The following IPCEF1 variants were observed in gnomAD, a reference collection of about 807,000 sequenced individuals.
IPCEF1 encodes interactor protein for cytohesin exchange factors 1.
A neutral mutation model predicts 50.9 loss-of-function variants in IPCEF1; 31 were observed. The observed-to-expected ratio is 0.61, with a 90% CI of 0.46 to 0.82. The LOEUF (loss-of-function observed/expected upper bound fraction) is 0.82, where lower values mean the gene tolerates loss of function less well. Ranked by LOEUF, IPCEF1 falls within the 40% of genes least tolerant of loss-of-function variation. The probability of loss-of-function intolerance (pLI) is 0.00; values close to 1 mark genes in which losing one functional copy is unlikely to be tolerated. For missense variants in IPCEF1, 458 were observed against 514.0 expected, an observed-to-expected ratio of 0.89 and a Z score of 1.05; for synonymous variants, 181 against 192.0, an observed-to-expected ratio of 0.94 and a Z score of 0.47.
At chr6:154,314,321 G>A (rs1783159929) in intron 1 of IPCEF1, among the ~76,000 whole-genome samples, 1 of 152,112 alleles carries the variant, frequency 6.6e-6, no homozygotes, top group African/African-American at 2.4e-5. Context: ...CTATGGCTCT[G>A]TGCCCAGTAA....
intron 10 of IPCEF1, among the ~76,000 whole-genome samples, chr6:154,180,832 A>G (rs1800809944): frequency 6.6e-6 from 1 of 152,242 alleles, no homozygotes; most frequent in South Asian, 2.1e-4. Flanking sequence ...AGGAATGTCT[A>G]AATGATGTCC....
In IPCEF1 at chr6:154,159,756, A is replaced by C; in HGVS notation, c.*72T>G. 1 of 1,235,570 alleles carries C rather than the reference A, an allele frequency of 8.1e-7. No homozygotes were observed. Among genetic ancestry groups the C allele is most frequent in the South Asian group, 1.3e-5 (1 of 75,070 alleles). The allele number at this position is 1,235,570 out of a possible 1,614,324, so 76.5% of individuals were successfully genotyped here. A position where few individuals can be genotyped will look rare whatever the true frequency, so the allele number is the denominator to read the frequency against. ...GGTTTCAGTTTTCCTTTTAAGGAAA[A>C]ATGTAAGCTTTTGCAACATCTTGAA... On this transcript the variant is annotated 3_prime_UTR_variant, in exon 12 of 12. Transcript: ENST00000367220.
intron 1 of IPCEF1, among the ~76,000 whole-genome samples, chr6:154,348,346 G>A (rs1177807956): frequency 6.6e-6 from 1 of 152,160 alleles, no homozygotes; most frequent in Non-Finnish European, 1.5e-5. Context: ...AGCTCTAGCT[G>A]GAAAACTGTG....
chr6:154,159,968 C>G lies in IPCEF1; in HGVS notation c.1177G>C (p.Glu393Gln). 1 of 1,613,280 alleles carries G rather than the reference C, an allele frequency of 6.2e-7. No individual in the cohort carries two copies. Among genetic ancestry groups the G allele is most frequent in the Non-Finnish European group, 8.5e-7 (1 of 1,179,992 alleles). The change falls in exon 12 of 12, where the codon GAG becomes CAG. Residue 393 changes from glutamate (E) to glutamine (Q), a missense_variant. Physicochemically the swap from Glu to Gln is conservative, Grantham distance 29. Coordinates refer to ENST00000367220, the MANE Select transcript of IPCEF1 (RefSeq NM_001130700.2). ...DPKLTARKYR[E>Q]WKVMNTLLIQ... The stretch of plus-strand genomic sequence containing the variant: ...AGCAGGGTGTTCATGACTTTCCACT[C>G]TCTGTATTTCCTGGCTGTCAGCTTC...
chr6:154,293,446 G>C (rs888535611), intron 1 of IPCEF1, among the ~76,000 whole-genome samples: 4 of 152,188 alleles, frequency 2.6e-5, no homozygotes, highest in African/African-American at 4.8e-5. Flanking sequence ...CTCAAGCTAA[G>C]ATAACAGATC....
chr6:154,211,337 A>C (rs893996049), intron 9 of IPCEF1, among the ~76,000 whole-genome samples: 2 of 151,820 alleles, frequency 1.3e-5, no homozygotes, highest in African/African-American at 2.4e-5. Context: ...TGAACCTGGG[A>C]GGCAGAGCTT....
chr6:154,193,472 A>C lies in IPCEF1; in HGVS notation c.910+6196T>G, dbSNP rs997232835. ...AAGAACTCATTCATGTAACCACACA[A>C]CACCACCTGTTCCCCAAAAACCTAT... On this transcript the variant is annotated intron_variant, in intron 10 of 11. Transcript: ENST00000367220. 6.6e-5 allele frequency among the ~76,000 whole-genome samples: 10 copies of C among 152,204 alleles called. 1 individual carries two copies. The highest frequency in any genetic ancestry group is 2.0e-4 in the Admixed American group (3 of 15,286).
At position 154,246,629 on chromosome 6, in the gene IPCEF1, G is replaced by A; in HGVS notation, c.208C>T (p.Leu70=). 1.2e-6 allele frequency: 2 copies of A among 1,614,012 alleles called. No homozygotes were observed. Among genetic ancestry groups the A allele is most frequent in the Non-Finnish European group, 1.7e-6 (2 of 1,179,944 alleles). Residue 70 remains leucine (L), a synonymous_variant, in exon 5 of 12, where the codon CTG becomes TTG. Coordinates refer to ENST00000367220, the MANE Select transcript of IPCEF1 (RefSeq NM_001130700.2). ...SNKWKKFWVI[L]KGSSLYWYSN... ...TACCAGTACAGTGACGACCCCTTCA[G>A]TATCACCCAGAACTTTTTCCATTTG...
chr6:154,231,144 T>C (rs936984035), intron 5 of IPCEF1, among the ~76,000 whole-genome samples: 3 of 152,234 alleles, frequency 2.0e-5, no homozygotes, highest in Non-Finnish European at 2.9e-5. Flanking sequence ...CAGTTGTCTC[T>C]AGATTCTCAC....
At chr6:154,289,242 C>G (rs1782450564) in intron 2 of IPCEF1, among the ~76,000 whole-genome samples, 1 of 151,762 alleles carries the variant, frequency 6.6e-6, no homozygotes, top group South Asian at 2.1e-4. Context: ...GTGGGGACAT[C>G]TTCAGATTGT....
At chr6:154,179,499 G>A (rs547786298) in intron 10 of IPCEF1, among the ~76,000 whole-genome samples, 11 of 151,994 alleles carry the variant, frequency 7.2e-5, no homozygotes, top group South Asian at 2.1e-4. Flanking sequence ...AATTATTTCC[G>A]CCCCCCCTTA....
At chr6:154,166,089 C>T (rs995829495) in intron 11 of IPCEF1, among the ~76,000 whole-genome samples, 4 of 152,266 alleles carry the variant, frequency 2.6e-5, no homozygotes, top group African/African-American at 4.8e-5. Context: ...GCAAGCCACA[C>T]CCAGATTCCT....
rs550885468 is a variant in IPCEF1 at position 154,290,146 on chromosome 6, G to A, written c.-61-390C>T. On this transcript the variant is annotated intron_variant, in intron 1 of 11. Coordinates refer to ENST00000367220, the MANE Select transcript of IPCEF1 (RefSeq NM_001130700.2). ...TCCTGATAAGATCTCAGGAGATGGC[G>A]AATGGGCCCAAGTATGTGTACTAAA... 5.3e-5 allele frequency among the ~76,000 whole-genome samples: 8 copies of A among 152,276 alleles called. No homozygotes were observed. The South Asian group carries it at 6.2e-4, about 12-fold the overall frequency.
At chr6:154,176,360 T>C (rs1468299930) in intron 10 of IPCEF1, among the ~76,000 whole-genome samples, 1 of 152,136 alleles carries the variant, frequency 6.6e-6, no homozygotes, top group East Asian at 1.9e-4. Flanking sequence ...GTGTATTCAA[T>C]TAGGAAAAGA....
intron 1 of IPCEF1, among the ~76,000 whole-genome samples, chr6:154,322,070 A>G (rs1203053908): frequency 6.6e-6 from 1 of 152,216 alleles, no homozygotes; most frequent in African/African-American, 2.4e-5. Context: ...ATATCATCAT[A>G]TTAAAATAAT....
rs572164483 is a variant in IPCEF1 at position 154,348,131 on chromosome 6, A to G, written c.-62+8541T>C. On this transcript the variant is annotated intron_variant, in intron 1 of 11. Transcript: ENST00000367220. Reference sequence around the variant, plus strand: ...ATCTGGGACTCCAGCGTTCCTCTCAAGGCAACTAATTTGTACATAACTTTG... The same window carrying G: ...ATCTGGGACTCCAGCGTTCCTCTCAGGGCAACTAATTTGTACATAACTTTG... Among the ~76,000 whole-genome samples the G allele has an allele frequency of 6.8e-4, 104 of 152,240 alleles. 2 individuals carry two copies. In the South Asian group the frequency reaches 0.021, roughly 30 times the overall value.
At chr6:154,295,867 G>GCACGCA (rs1391910318) in intron 1 of IPCEF1, among the ~76,000 whole-genome samples, 1 of 147,898 alleles carries the variant, frequency 6.8e-6, no homozygotes, top group African/African-American at 2.5e-5. Flanking sequence ...ATGTGCACAC[G>GCACGCA]CACACACACA....
At chr6:154,265,196 C>T (rs1481804622) in intron 3 of IPCEF1, among the ~76,000 whole-genome samples, 2 of 152,168 alleles carry the variant, frequency 1.3e-5, no homozygotes, top group East Asian at 3.8e-4. Flanking sequence ...AGATTATATA[C>T]TTGCTCAATT....
At chr6:154,299,667 T>C (rs1201810460) in intron 1 of IPCEF1, among the ~76,000 whole-genome samples, 2 of 140,170 alleles carry the variant, frequency 1.4e-5, no homozygotes, top group African/African-American at 5.1e-5. Context: ...ACCTAGGTGA[T>C]GGGTTGATAG....
Sources: allele counts gnomAD v4.1 joint callset (sites outside exome capture counted in the v4.1 genomes callset), GRCh38; gene constraint gnomAD v4.1.1; transcripts MANE v1.5; gene names NCBI Gene and HGNC (gene_info 2026-07-23, HGNC 2026-07-21).